Variants in PTPRD observed in about 807,000 individuals in gnomAD.
PTPRD encodes protein tyrosine phosphatase receptor type D, also known as receptor-type tyrosine-protein phosphatase delta.
Under a neutral mutation model 214.5 loss-of-function variants are expected in PTPRD, and 34 were observed. The observed-to-expected ratio is 0.16, with a 90% CI of 0.12 to 0.21. PTPRD has a LOEUF of 0.21. Among genes scored for constraint, PTPRD ranks in the 10% least tolerant of loss-of-function variants. The pLI is 1.00. For synonymous variants in PTPRD, 1,128 were observed against 845.7 expected (o/e 1.33, Z -5.79); for missense variants, 2,545 against 2,398.7 (o/e 1.06, Z -1.27).
At chr9:9,236,314 A>T (rs1200823978) in intron 9 of PTPRD, among the ~76,000 whole-genome samples, 1 of 152,106 alleles carries the variant, frequency 6.6e-6, no homozygotes, top group Non-Finnish European at 1.5e-5. Flanking sequence ...TCTCATCCCA[A>T]ACAACTATAT....
rs911712632 is a variant in PTPRD, at chr9:9,748,735, T to C, written c.-325-14164A>G. On this transcript the variant is annotated intron_variant, in intron 6 of 45. Coordinates refer to ENST00000381196, the MANE Select transcript of PTPRD (RefSeq NM_002839.4). ...GCTTTCGTTTCTTTGGCCTTTAACT[T>C]ACGAATTTTGGCCTTTGATTTGACT... Among the ~76,000 whole-genome samples, 3 of 152,186 alleles carry C rather than the reference T, an allele frequency of 2.0e-5. No individual in the cohort carries two copies. The South Asian group carries it at 6.2e-4, about 31-fold the overall frequency.
intron 44 of PTPRD, among the ~76,000 whole-genome samples, chr9:8,322,414 A>T (rs1237333919): frequency 6.6e-6 from 1 of 152,198 alleles, no homozygotes; most frequent in Non-Finnish European, 1.5e-5. Context: ...CACATGAATG[A>T]TAAGGAAGTA....
intron 9 of PTPRD, among the ~76,000 whole-genome samples, chr9:9,271,081 T>A (rs1162019903): frequency 2.6e-5 from 4 of 151,296 alleles, no homozygotes; most frequent in Admixed American, 2.0e-4. Flanking sequence ...GAGGACCGAT[T>A]GGGCTACTAA....
intron 9 of PTPRD, among the ~76,000 whole-genome samples, chr9:9,355,001 A>AG (rs2053189148): frequency 6.6e-6 from 1 of 151,738 alleles, no homozygotes; most frequent in Non-Finnish European, 1.5e-5. Context: ...CCAGATAATT[A>AG]GGTGCCATTG....
chr9:8,683,965 G>T (rs920200577), intron 12 of PTPRD, among the ~76,000 whole-genome samples: 12 of 152,168 alleles, frequency 7.9e-5, no homozygotes, highest in African/African-American at 2.9e-4. Flanking sequence ...AACTGTACCA[G>T]CAGCGAATGT....
intron 3 of PTPRD, among the ~76,000 whole-genome samples, chr9:10,326,405 A>G (rs1315184776): frequency 6.6e-6 from 1 of 151,808 alleles, no homozygotes; most frequent in Non-Finnish European, 1.5e-5. Flanking sequence ...CAAAGTTTAA[A>G]GTACCTTATA....
chr9:9,028,515 A>C (rs771518251), intron 10 of PTPRD, among the ~76,000 whole-genome samples: 58 of 152,150 alleles, frequency 3.8e-4, no homozygotes, highest in Non-Finnish European at 6.6e-4. Context: ...GTGACAGTAC[A>C]GTGTGGTATC....
At chr9:8,573,551 A>G (rs2154239680) in intron 14 of PTPRD, among the ~76,000 whole-genome samples, 1 of 152,078 alleles carries the variant, frequency 6.6e-6, no homozygotes, top group Non-Finnish European at 1.5e-5. Flanking sequence ...AACTGGCTTA[A>G]AGCCAGACAG....
chr9:8,425,321 T>G (rs562983049), intron 35 of PTPRD, among the ~76,000 whole-genome samples: 1 of 152,254 alleles, frequency 6.6e-6, no homozygotes. Context: ...GGAGGAATTG[T>G]AGGAAGTGAT....
intron 8 of PTPRD, among the ~76,000 whole-genome samples, chr9:9,538,548 CA>C (rs1468537698): frequency 6.6e-6 from 1 of 151,752 alleles, no homozygotes; most frequent in Non-Finnish European, 1.5e-5. Flanking sequence ...AAACTTGGAC[CA>C]AAGAAGGGCA....
chr9:8,366,411 G>C (rs528966928), intron 39 of PTPRD, among the ~76,000 whole-genome samples: 1 of 152,180 alleles, frequency 6.6e-6, no homozygotes, highest in South Asian at 2.1e-4. Flanking sequence ...AGTGGAAGAG[G>C]TATTGAGGGA....
intron 12 of PTPRD, among the ~76,000 whole-genome samples, chr9:8,707,572 G>A (rs540810163): frequency 6.6e-6 from 1 of 152,322 alleles, no homozygotes; most frequent in South Asian, 2.1e-4. Context: ...AAGAAGTACA[G>A]ACAAGAAGCA....
At chr9:9,523,183 A>G (rs576395820) in intron 8 of PTPRD, among the ~76,000 whole-genome samples, 2 of 152,338 alleles carry the variant, frequency 1.3e-5, no homozygotes, top group East Asian at 3.9e-4. Flanking sequence ...CTTGGAGAAC[A>G]ATATATTGTC....
intron 39 of PTPRD, among the ~76,000 whole-genome samples, chr9:8,375,137 C>G (rs1197422911): frequency 1.3e-5 from 2 of 151,846 alleles, no homozygotes; most frequent in Non-Finnish European, 2.9e-5. Context: ...ATTATATGCA[C>G]TATACATTTA....
chr9:9,537,537 C>A (rs775364698), intron 8 of PTPRD, among the ~76,000 whole-genome samples: 1 of 151,958 alleles, frequency 6.6e-6, no homozygotes, highest in Non-Finnish European at 1.5e-5. Flanking sequence ...AAACAAATTT[C>A]AAATACAAAT....
At chr9:9,662,761 C>A (rs1358331533) in intron 7 of PTPRD, among the ~76,000 whole-genome samples, 1 of 151,468 alleles carries the variant, frequency 6.6e-6, no homozygotes, top group Non-Finnish European at 1.5e-5. Flanking sequence ...TAAATTAATC[C>A]AGAAATGGGA....
chr9:9,496,574 A>AAAAC (rs763210971), intron 8 of PTPRD, among the ~76,000 whole-genome samples: 1 of 152,202 alleles, frequency 6.6e-6, no homozygotes, highest in Non-Finnish European at 1.5e-5. Flanking sequence ...ACAAAAAACA[A>AAAAC]AAACAAACAA....
chr9:9,211,794 A>C (rs1261917409), intron 9 of PTPRD, among the ~76,000 whole-genome samples: 8 of 150,344 alleles, frequency 5.3e-5, no homozygotes, highest in Non-Finnish European at 1.2e-4. Flanking sequence ...TAGCCTAAGA[A>C]ACTGGTACTA....
At chr9:8,843,371 G>C (rs931819429) in intron 11 of PTPRD, among the ~76,000 whole-genome samples, 2 of 152,142 alleles carry the variant, frequency 1.3e-5, no homozygotes, top group East Asian at 1.9e-4. Context: ...TAGAGTCAAC[G>C]AGTATTCTAA....
Sources: gnomAD v4.1 joint callset for allele counts (sites outside exome capture counted in the v4.1 genomes callset) on GRCh38, gnomAD v4.1.1 for gene constraint, MANE v1.5 for transcripts, NCBI Gene and HGNC (gene_info 2026-07-23, HGNC 2026-07-21) for gene names.